RHBDL2: variants seen among roughly 807,000 people sequenced by gnomAD.
The protein encoded by RHBDL2 is rhomboid-related protein 2.
A neutral mutation model predicts 31.7 loss-of-function variants in RHBDL2; 26 were observed. The observed-to-expected ratio is 0.82, with a 90% confidence interval of 0.60 to 1.14. The LOEUF is 1.14. RHBDL2 is among the 50% of genes most tolerant of loss of function. RHBDL2 has a pLI of 0.00. For missense variants in RHBDL2, 336 were observed against 364.4 expected (o/e 0.92, Z 0.63); for synonymous variants, 123 against 127.2 (o/e 0.97, Z 0.22).
rs760050443 is a variant in RHBDL2, at chr1:38,915,668, G to GT, written c.288dup (p.Gln97ThrfsTer19). 2 of 1,614,138 alleles carry GT rather than the reference G, an allele frequency of 1.2e-6. No individual in the cohort carries two copies. The highest frequency in any genetic ancestry group is 3.3e-5 in the Admixed American group (2 of 60,008). On this transcript the variant is annotated frameshift_variant, in exon 3 of 8. Coordinates refer to ENST00000372990, the MANE Select transcript of RHBDL2 (RefSeq NM_017821.5). LOFTEE classifies it high-confidence loss of function. ...ATGCCTGTGTCCAACGTGATCCACT[G>GT]TTTCTGAGGCTTCCACACAGCATAG...
At chr1:38,936,715 G>T (rs936709027) in intron 1 of RHBDL2, among the ~76,000 whole-genome samples, 8 of 151,850 alleles carry the variant, frequency 5.3e-5, no homozygotes, top group African/African-American at 7.3e-5. Flanking sequence ...GGCCAGGCTG[G>T]TCTGGAACTC....
chr1:38,932,396 G>C (rs9970111), intron 1 of RHBDL2, among the ~76,000 whole-genome samples: 23,930 of 152,120 alleles, frequency 0.16, 3,892 homozygotes, highest in African/African-American at 0.41. Flanking sequence ...GAACTGCTCA[G>C]CTGAACCCTG....
chr1:38,902,583 C>G (rs1643007082), intron 4 of RHBDL2, among the ~76,000 whole-genome samples: 1 of 151,864 alleles, frequency 6.6e-6, no homozygotes, highest in African/African-American at 2.4e-5. Flanking sequence ...CCATGCCCAG[C>G]TAATTTTTTT....
intron 4 of RHBDL2, among the ~76,000 whole-genome samples, chr1:38,907,833 A>C (rs1010981338): frequency 2.0e-5 from 3 of 152,214 alleles, no homozygotes; most frequent in Admixed American, 6.5e-5. Flanking sequence ...GTTCAGTGAA[A>C]GGTTTTTAAG....
intron 4 of RHBDL2, among the ~76,000 whole-genome samples, chr1:38,908,642 G>C (rs1643101017): frequency 6.6e-6 from 1 of 151,920 alleles, no homozygotes; most frequent in Non-Finnish European, 1.5e-5. Context: ...TCAGTGCCCT[G>C]CTGCTCAAAC....
At chr1:38,939,883 C>G (rs759244494) in intron 1 of RHBDL2, among the ~76,000 whole-genome samples, 3 of 151,986 alleles carry the variant, frequency 2.0e-5, no homozygotes, top group African/African-American at 7.3e-5. Context: ...CGCTTGTTGC[C>G]CAGGCTGGCT....
At chr1:38,915,262 C>G (rs1162220898) in intron 3 of RHBDL2, among the ~76,000 whole-genome samples, 2 of 151,506 alleles carry the variant, frequency 1.3e-5, no homozygotes, top group East Asian at 4.0e-4. Flanking sequence ...CCTCCCGGGA[C>G]TACAGGTATG....
chr1:38,932,910 G>A (rs1055287600), intron 1 of RHBDL2, among the ~76,000 whole-genome samples: 7 of 152,106 alleles, frequency 4.6e-5, no homozygotes, highest in Admixed American at 4.6e-4. Context: ...CCATTGAGTA[G>A]ATTACTGATG....
At chr1:38,899,679 G>A (rs1314632754) in intron 4 of RHBDL2, among the ~76,000 whole-genome samples, 1 of 152,216 alleles carries the variant, frequency 6.6e-6, no homozygotes, top group Admixed American at 6.5e-5. Flanking sequence ...TTTTGCCCCA[G>A]AGAAAAGTGA....
At chr1:38,888,424 T>G (rs1041296256) in intron 6 of RHBDL2, among the ~76,000 whole-genome samples, 1 of 152,144 alleles carries the variant, frequency 6.6e-6, no homozygotes, top group Non-Finnish European at 1.5e-5. Flanking sequence ...TGCTAAGTGC[T>G]ATGGAGAAAA....
rs371009132 is a variant in RHBDL2 at position 38,886,673 on chromosome 1, G to A, written c.743C>T (p.Ala248Val). The A allele has an allele frequency of 1.9e-6, 3 of 1,550,904 alleles. No individual in the cohort carries two copies. Among genetic ancestry groups the A allele is most frequent in the African/African-American group, 1.4e-5 (1 of 73,304 alleles). ...AGCAAATCCACCTGCAATGTGAGCT[G>A]CAAAAGACACCTTGGGAGAAAAGGA... ...VPEDGSPVSF[A>V]AHIAGGFAGM... Residue 248 changes from alanine (A) to valine (V), a missense_variant, in exon 8 of 8, where the codon GCA (alanine) becomes GTA (valine). Physicochemically the swap from Ala to Val is moderately conservative, Grantham distance 64 (BLOSUM62 0). Coordinates refer to ENST00000372990, the MANE Select transcript of RHBDL2 (RefSeq NM_017821.5).
Position 38,915,697 on chromosome 1 carries a change from AT to A in RHBDL2, c.259del (p.Ile87PhefsTer81), listed in dbSNP as rs1190106770. The A allele has an allele frequency of 6.2e-7, 1 of 1,614,146 alleles. No individual in the cohort carries two copies. The highest frequency in any genetic ancestry group is 8.5e-7 in the Non-Finnish European group (1 of 1,180,020). ...SISLAELAVF[I>X]YYAVWKPQKQ... ...CTGAGGCTTCCACACAGCATAGTAA[AT>A]AAACACTGCCAGCTGATGGAGGGAG... On this transcript the variant is annotated frameshift_variant, in exon 3 of 8. Transcript: ENST00000372990. LOFTEE classifies it high-confidence loss of function.
chr1:38,907,571 A>C (rs1013661772), intron 4 of RHBDL2, among the ~76,000 whole-genome samples: 1 of 151,910 alleles, frequency 6.6e-6, no homozygotes, highest in African/African-American at 2.4e-5. Context: ...ATTAAAGAAA[A>C]AAAGTAAAGC....
intron 1 of RHBDL2, chr1:38,926,793 T>C (rs79579571): frequency 0.15 from 23,544 of 152,272 alleles, 2,377 homozygotes; most frequent in Non-Finnish European, 0.22. Context: ...TGAGCCAAGA[T>C]CGTGGCACTA....
intron 6 of RHBDL2, among the ~76,000 whole-genome samples, chr1:38,890,442 A>G (rs1212150529): frequency 6.6e-6 from 1 of 152,204 alleles, no homozygotes. Context: ...TTAGTCTTCC[A>G]CAATAGGAGA....
At chr1:38,888,101 A>G in intron 6 of RHBDL2, 77 bp from the exon 7 acceptor site, 1 of 895,032 alleles carries the variant, frequency 1.1e-6, no homozygotes, top group East Asian at 2.4e-5. Context: ...CCCCTCTAAT[A>G]ATAATAATAC....
In RHBDL2 at chr1:38,886,440, C is replaced by G; in HGVS notation, c.*64G>C. 7.9e-7 allele frequency: 1 copy of G among 1,264,452 alleles called. No individual in the cohort carries two copies. Among genetic ancestry groups the G allele is most frequent in the Middle Eastern group, 2.3e-4 (1 of 4,330 alleles). The allele number at this position is 1,264,452 out of a possible 1,614,324, so 78.3% of individuals were successfully genotyped here. On this transcript the variant is annotated 3_prime_UTR_variant, in exon 8 of 8. Coordinates refer to ENST00000372990, the MANE Select transcript of RHBDL2 (RefSeq NM_017821.5). ...AGACTTCTCTGTTTCTTCATAGAGT[C>G]TTCCTTTTTTTTTTATTTCCTCCAG...
At chr1:38,897,159 G>C (rs961103451) in intron 4 of RHBDL2, among the ~76,000 whole-genome samples, 20 of 150,640 alleles carry the variant, frequency 1.3e-4, no homozygotes, top group Admixed American at 1.3e-3. Context: ...GGAGTGCAGT[G>C]GCGTGATCTC....
At chr1:38,924,542 C>T (rs372253997) in intron 1 of RHBDL2, among the ~76,000 whole-genome samples, 4 of 151,628 alleles carry the variant, frequency 2.6e-5, no homozygotes, top group South Asian at 2.1e-4. Flanking sequence ...TGCAGTGAGC[C>T]GAGATTGCGC....
Sources: gnomAD v4.1 joint callset for allele counts (sites outside exome capture counted in the v4.1 genomes callset) on GRCh38, gnomAD v4.1.1 for gene constraint, MANE v1.5 for transcripts, NCBI Gene and HGNC (gene_info 2026-07-23, HGNC 2026-07-21) for gene names.